The following SLCO3A1 variants were observed in gnomAD, a reference collection of about 807,000 sequenced individuals.
SLCO3A1 encodes PGE1 transporter.
A neutral mutation model predicts 63.1 loss-of-function variants in SLCO3A1; 27 were observed. That is an observed-to-expected ratio of 0.43 (90% CI 0.32 to 0.59). The LOEUF is 0.59. SLCO3A1 is among the 20% of genes least tolerant of loss of function. The pLI is 0.09. For missense variants in SLCO3A1, 773 were observed against 945.8 expected (o/e 0.82, Z 2.40); for synonymous variants, 473 against 409.9 (o/e 1.15, Z -1.86).
intron 2 of SLCO3A1, among the ~76,000 whole-genome samples, chr15:92,004,786 G>A (rs923226130): frequency 6.6e-6 from 1 of 152,160 alleles, no homozygotes; most frequent in Non-Finnish European, 1.5e-5. Context: ...CTGAAATCTG[G>A]TGGTTTGTGT....
intron 2 of SLCO3A1, among the ~76,000 whole-genome samples, chr15:91,986,968 G>A (rs1233663653): frequency 1.3e-5 from 2 of 152,144 alleles, no homozygotes; most frequent in African/African-American, 4.8e-5. Context: ...GTTGGTGGTG[G>A]CCATGGTCAG....
In SLCO3A1 at chr15:91,963,984, A is replaced by G. The variant is rs574417140; in HGVS notation, c.646+47526A>G. ...CAGAGTGCTGATTGGTCCATTTTAC[A>G]AAGTGCTGATTGGTGTGTTCACCAT... On this transcript the variant is annotated intron_variant, in intron 2 of 9. Coordinates refer to ENST00000318445, the MANE Select transcript of SLCO3A1 (RefSeq NM_013272.4). Among the ~76,000 whole-genome samples the G allele has an allele frequency of 1.3e-4, 20 of 152,218 alleles. No individual in the cohort carries two copies. In the South Asian group the frequency reaches 3.9e-3, roughly 30 times the overall value.
intron 1 of SLCO3A1, among the ~76,000 whole-genome samples, chr15:91,878,158 T>C (rs1014247242): frequency 7.1e-6 from 1 of 140,306 alleles, no homozygotes; most frequent in African/African-American, 2.7e-5. Context: ...GGTGCTCAAC[T>C]CACTGCAACC....
At chr15:91,929,892 C>T (rs1271263078) in intron 2 of SLCO3A1, among the ~76,000 whole-genome samples, 1 of 152,094 alleles carries the variant, frequency 6.6e-6, no homozygotes, top group East Asian at 1.9e-4. Flanking sequence ...ATATTATATA[C>T]CAAATATTCC....
intron 2 of SLCO3A1, among the ~76,000 whole-genome samples, chr15:92,042,088 A>G (rs577705908): frequency 3.3e-5 from 5 of 152,258 alleles, no homozygotes; most frequent in East Asian, 3.9e-4. Flanking sequence ...GGGTTCTTTA[A>G]TGGCGCTCTC....
At chr15:92,078,163 G>A (rs2047301327) in intron 2 of SLCO3A1, among the ~76,000 whole-genome samples, 1 of 152,198 alleles carries the variant, frequency 6.6e-6, no homozygotes, top group Non-Finnish European at 1.5e-5. Flanking sequence ...CAGAAACCGA[G>A]TTAGTTCGCT....
rs1218838269 is a variant in SLCO3A1, at chr15:92,163,088, A to C, written c.2086A>C (p.Asn696His). Residue 696 changes from asparagine (N) to histidine (H), a missense_variant, in exon 10 of 10, where the codon AAC (asparagine) becomes CAC (histidine). Asn to His is a moderately conservative substitution (Grantham distance 68). Transcript: ENST00000318445. ...NQTHRTKFIY[N>H]LEDHEWCENM... is the part of the protein sequence containing the mutation. ...GACACATAGGACAAAGTTTATCTAT[A>C]ACCTGGAAGACCATGAGTGGTGTGA... is the stretch of plus-strand genomic sequence containing the variant. 2 of 1,543,560 alleles carry C rather than the reference A, an allele frequency of 1.3e-6. No individual in the cohort carries two copies. Among genetic ancestry groups the C allele is most frequent in the Non-Finnish European group, 1.7e-6 (2 of 1,147,144 alleles).
At chr15:91,928,678 C>T (rs1318092374) in intron 2 of SLCO3A1, among the ~76,000 whole-genome samples, 1 of 152,176 alleles carries the variant, frequency 6.6e-6, no homozygotes, top group Non-Finnish European at 1.5e-5. Flanking sequence ...AATGGTGAGG[C>T]GTTTCTAGGC....
chr15:92,163,703 TA>T lies in SLCO3A1; in HGVS notation c.*569del. ...CCACTCCTCTCTCTGACTTTCGCAA[TA>T]TGGGTCACTGTGTAGACGACTCACC... On this transcript the variant is annotated 3_prime_UTR_variant, in exon 10 of 10. Transcript: ENST00000318445. 1.0e-6 allele frequency: 1 copy of T among 985,294 alleles called. No individual in the cohort carries two copies. The highest frequency in any genetic ancestry group is 1.2e-6 in the Non-Finnish European group (1 of 829,960). 61.0% of individuals were successfully genotyped at this position (985,294 alleles called of 1,614,324 possible).
At chr15:92,071,490 CA>C (rs1729753862) in intron 2 of SLCO3A1, among the ~76,000 whole-genome samples, 1 of 152,168 alleles carries the variant, frequency 6.6e-6, no homozygotes, top group Non-Finnish European at 1.5e-5. Context: ...AATATATGTT[CA>C]GGGGAAAAAA....
chr15:91,864,689 G>T (rs954365735), intron 1 of SLCO3A1, among the ~76,000 whole-genome samples: 1 of 152,170 alleles, frequency 6.6e-6, no homozygotes, highest in East Asian at 1.9e-4. Flanking sequence ...AGGGCTTGTG[G>T]CACCCAAGGC....
chr15:92,006,324 C>G (rs142540159), intron 2 of SLCO3A1, among the ~76,000 whole-genome samples: 195 of 152,278 alleles, frequency 1.3e-3, no homozygotes, highest in African/African-American at 4.4e-3. Flanking sequence ...GTTAAAGATC[C>G]ATGACATAAG....
rs548098606 is a variant in SLCO3A1 at position 92,157,872 on chromosome 15, C to T, written c.1754-4884C>T. On this transcript the variant is annotated intron_variant, in intron 9 of 9. Transcript: ENST00000318445. ...AGCTCTGCCTGAAGGTATGATCGTG[C>T]CCATTGTATAAACAGTGAAACTGAG... Among the ~76,000 whole-genome samples, 8 of 152,256 alleles carry T rather than the reference C, an allele frequency of 5.3e-5. 1 individual carries two copies. The South Asian group carries it at 1.7e-3, about 32-fold the overall frequency.
intron 2 of SLCO3A1, among the ~76,000 whole-genome samples, chr15:92,059,804 A>T (rs1370744103): frequency 6.6e-6 from 1 of 152,228 alleles, no homozygotes; most frequent in African/African-American, 2.4e-5. Context: ...ATAAGTGCAT[A>T]TCACTGTAGT....
intron 2 of SLCO3A1, among the ~76,000 whole-genome samples, chr15:91,993,205 T>C (rs1295472767): frequency 6.6e-6 from 1 of 152,236 alleles, no homozygotes; most frequent in African/African-American, 2.4e-5. Context: ...TACTAGTCTT[T>C]GTACGAATTG....
At chr15:92,040,938 G>A (rs1346718851) in intron 2 of SLCO3A1, among the ~76,000 whole-genome samples, 2 of 152,154 alleles carry the variant, frequency 1.3e-5, no homozygotes, top group East Asian at 1.9e-4. Context: ...AGATTGATTC[G>A]GTTTGAGCAA....
intron 5 of SLCO3A1, among the ~76,000 whole-genome samples, chr15:92,125,442 G>GA (rs2047909532): frequency 6.6e-6 from 1 of 151,988 alleles, no homozygotes; most frequent in Non-Finnish European, 1.5e-5. Flanking sequence ...AGAGAGAAAG[G>GA]AAAAAATATA....
Position 91,862,246 on chromosome 15 carries a change from C to T in SLCO3A1, c.180+8158C>T, listed in dbSNP as rs113115079. 2.6e-3 allele frequency among the ~76,000 whole-genome samples: 394 copies of T among 151,994 alleles called. 3 individuals are homozygous for T. The highest frequency in any genetic ancestry group is 9.0e-3 in the African/African-American group (372 of 41,432). On this transcript the variant is annotated intron_variant, in intron 1 of 9. Coordinates refer to ENST00000318445, the MANE Select transcript of SLCO3A1 (RefSeq NM_013272.4). This position sits in a 1 kb window ranked among gnomAD's most constrained non-coding sequence, Gnocchi z 4.0. ...TCAGCTCACTGCAACCTCTGCCTCC[C>T]GGGTTCAAGCAATTCTCCTGCCTCA...
In SLCO3A1 at chr15:91,854,898, A is replaced by G. The variant is rs1392999123; in HGVS notation, c.180+810A>G. Among the ~76,000 whole-genome samples the G allele has an allele frequency of 6.6e-6, 1 of 152,108 alleles. No individual in the cohort carries two copies. Among genetic ancestry groups the G allele is most frequent in the Admixed American group, 6.5e-5 (1 of 15,270 alleles). ...CCATGGGTGCGTAACATTTCAGAGG[A>G]AACAGCTTGTAATGACTCAGCACTG... On this transcript the variant is annotated intron_variant, in intron 1 of 9. Coordinates refer to ENST00000318445, the MANE Select transcript of SLCO3A1 (RefSeq NM_013272.4). This position sits in a 1 kb window ranked among gnomAD's most constrained non-coding sequence, Gnocchi z 6.4.
Sources: allele counts gnomAD v4.1 joint callset (sites outside exome capture counted in the v4.1 genomes callset), GRCh38; gene constraint gnomAD v4.1.1; non-coding constraint Gnocchi (gnomAD v3.1); transcripts MANE v1.5; gene names NCBI Gene and HGNC (gene_info 2026-07-23, HGNC 2026-07-21).